SYN3: variants seen among roughly 807,000 people sequenced by gnomAD.
SYN3 encodes the protein synapsin III.
SYN3 carries 35 observed loss-of-function variants against 65.8 expected under a neutral mutation model. The ratio of observed to expected loss-of-function variants is 0.53; its 90% confidence interval spans 0.41 to 0.70. The LOEUF (loss-of-function observed/expected upper bound fraction) is 0.70. Among genes scored for constraint, SYN3 ranks in the 30% least tolerant of loss-of-function variants. SYN3 has a pLI of 0.00. For missense variants in SYN3, 680 were observed against 749.0 expected (o/e 0.91, Z 1.08); for synonymous variants, 270 against 292.9 (o/e 0.92, Z 0.80).
chr22:32,774,529 C>A (rs2045860129), intron 6 of SYN3, among the ~76,000 whole-genome samples: 1 of 152,158 alleles, frequency 6.6e-6, no homozygotes, highest in African/African-American at 2.4e-5. Flanking sequence ...GCTGTTGGAA[C>A]ACCACAGGCA....
chr22:32,789,045 C>G (rs185758894), intron 6 of SYN3, among the ~76,000 whole-genome samples: 1 of 152,370 alleles, frequency 6.6e-6, no homozygotes, highest in East Asian at 1.9e-4. Context: ...TTGCTGGGCC[C>G]CCCTCCAGCT....
chr22:32,675,381 C>A (rs996480690), intron 6 of SYN3, among the ~76,000 whole-genome samples: 12 of 152,326 alleles, frequency 7.9e-5, no homozygotes, highest in Middle Eastern at 6.8e-3. Flanking sequence ...GAGCCAGGAG[C>A]AGGTGCTTGC....
chr22:32,817,937 C>T (rs16991252), intron 6 of SYN3, among the ~76,000 whole-genome samples: 3,341 of 152,216 alleles, frequency 0.022, 134 homozygotes, highest in African/African-American at 0.076. Flanking sequence ...CTTACATCAC[C>T]GTCCTACCTA....
chr22:32,634,860 G>A (rs754513482), intron 6 of SYN3, among the ~76,000 whole-genome samples: 2 of 152,056 alleles, frequency 1.3e-5, no homozygotes, highest in Non-Finnish European at 2.9e-5. Flanking sequence ...GCCATGTGTG[G>A]CCCAGGACAG....
chr22:32,649,467 T>G (rs1035876544), intron 6 of SYN3, among the ~76,000 whole-genome samples: 3 of 152,220 alleles, frequency 2.0e-5, no homozygotes, highest in African/African-American at 7.2e-5. Flanking sequence ...CCCCATTTAC[T>G]AATGAGGAAA....
At chr22:32,774,275 T>C (rs961585367) in intron 6 of SYN3, among the ~76,000 whole-genome samples, 2 of 152,130 alleles carry the variant, frequency 1.3e-5, no homozygotes, top group African/African-American at 4.8e-5. Context: ...CAAGTTAGAA[T>C]GAAGTCAGTG....
chr22:32,632,067 G>C (rs2059754511), intron 6 of SYN3, among the ~76,000 whole-genome samples: 1 of 152,224 alleles, frequency 6.6e-6, no homozygotes, highest in Non-Finnish European at 1.5e-5. Context: ...GGCTGCCCTA[G>C]ACAGATAAAG....
At chr22:32,645,503 A>T (rs1160716353) in intron 6 of SYN3, among the ~76,000 whole-genome samples, 1 of 151,612 alleles carries the variant, frequency 6.6e-6, no homozygotes, top group African/African-American at 2.4e-5. Context: ...ACCTCCTTGC[A>T]TCTTAAACTT....
intron 6 of SYN3, among the ~76,000 whole-genome samples, chr22:32,603,785 C>G (rs985561266): frequency 6.6e-6 from 1 of 152,170 alleles, no homozygotes; most frequent in Non-Finnish European, 1.5e-5. Flanking sequence ...TTTAGTTCCC[C>G]TGGGGATGCC....
intron 7 of SYN3, among the ~76,000 whole-genome samples, chr22:32,595,168 C>T (rs2146579892): frequency 6.6e-6 from 1 of 152,206 alleles, no homozygotes; most frequent in East Asian, 1.9e-4. Flanking sequence ...ATTGTTGAGG[C>T]CAAGTACATT....
intron 1 of SYN3, among the ~76,000 whole-genome samples, chr22:33,036,432 A>G (rs1439887915): frequency 2.0e-5 from 3 of 152,180 alleles, no homozygotes; most frequent in African/African-American, 7.2e-5. Flanking sequence ...GCCTAAAAGC[A>G]GGACAGAAAT....
intron 2 of SYN3, among the ~76,000 whole-genome samples, chr22:33,003,819 TG>T (rs2053129570): frequency 6.6e-6 from 1 of 152,172 alleles, no homozygotes; most frequent in Admixed American, 6.5e-5. Flanking sequence ...TCAGAGACCT[TG>T]GGGGCAGCCC....
chr22:32,644,906 C>T (rs1431943535), intron 6 of SYN3, among the ~76,000 whole-genome samples: 1 of 152,104 alleles, frequency 6.6e-6, no homozygotes, highest in Non-Finnish European at 1.5e-5. Context: ...TTTTTGGAAT[C>T]ACAGTGCCTT....
chr22:32,629,808 T>C (rs937820026), intron 6 of SYN3: 3 of 151,996 alleles, frequency 2.0e-5, no homozygotes, highest in African/African-American at 4.8e-5. Context: ...TAAGAGCATG[T>C]ACCCTGGAGG....
chr22:32,820,712 G>A (rs909286023), intron 6 of SYN3, among the ~76,000 whole-genome samples: 2 of 152,170 alleles, frequency 1.3e-5, no homozygotes, highest in African/African-American at 4.8e-5. Flanking sequence ...CTGGGACCAA[G>A]GGGAGGTTTG....
chr22:32,872,902 C>T (rs2048886433), intron 4 of SYN3, among the ~76,000 whole-genome samples: 1 of 151,304 alleles, frequency 6.6e-6, no homozygotes, highest in South Asian at 2.1e-4. Flanking sequence ...AAACTCACAA[C>T]CCAAGAGGAG....
At chr22:32,842,795 T>C (rs994135394) in intron 6 of SYN3, among the ~76,000 whole-genome samples, 3 of 152,176 alleles carry the variant, frequency 2.0e-5, no homozygotes, top group African/African-American at 7.2e-5. Flanking sequence ...TGATACGATA[T>C]ACTGTTATAC....
In SYN3 at chr22:32,845,429, A is replaced by G. The variant is rs543551070; in HGVS notation, c.711+19486T>C. Among the ~76,000 whole-genome samples the G allele has an allele frequency of 1.2e-4, 19 of 152,172 alleles. 1 individual carries two copies. In the South Asian group the frequency reaches 2.5e-3, roughly 20 times the overall value. Reference sequence around the variant, plus strand: ...ATGGTCTCAATCTCTTGACCTCGTGATCTGCCCACCTCAGCCTCCCAAAGT... The same window carrying G: ...ATGGTCTCAATCTCTTGACCTCGTGGTCTGCCCACCTCAGCCTCCCAAAGT... On this transcript the variant is annotated intron_variant, in intron 6 of 13. Coordinates refer to ENST00000358763, the MANE Select transcript of SYN3 (RefSeq NM_003490.4).
At chr22:32,683,575 T>G (rs1217855147) in intron 6 of SYN3, among the ~76,000 whole-genome samples, 2 of 152,178 alleles carry the variant, frequency 1.3e-5, no homozygotes, top group Non-Finnish European at 2.9e-5. Flanking sequence ...TGGCAATCTT[T>G]GGCGTTCCTT....
Sources: allele counts gnomAD v4.1 joint callset (sites outside exome capture counted in the v4.1 genomes callset), GRCh38; gene constraint gnomAD v4.1.1; transcripts MANE v1.5; gene names NCBI Gene and HGNC (gene_info 2026-07-23, HGNC 2026-07-21).